Variants in MARCHF6 observed in about 807,000 individuals in gnomAD.
The protein encoded by MARCHF6 is membrane associated ring-CH-type finger 6.
A neutral mutation model predicts 133.7 loss-of-function variants in MARCHF6; 31 were observed. The ratio of observed to expected loss-of-function variants is 0.23; its 90% CI spans 0.17 to 0.31. MARCHF6 has a LOEUF of 0.31. MARCHF6 is among the 10% of genes least tolerant of loss of function. The probability of loss-of-function intolerance (pLI) is 1.00; values close to 1 mark genes in which losing one functional copy is unlikely to be tolerated. For missense variants in MARCHF6, 723 were observed against 1,121.6 expected, an observed-to-expected ratio of 0.64 and a Z score of 5.08; for synonymous variants, 395 against 402.5, an observed-to-expected ratio of 0.98 and a Z score of 0.22.
At chr5:10,391,419 C>T (rs1737822227) in intron 6 of MARCHF6, 123 bp from the exon 7 acceptor site, 1 of 666,824 alleles carries the variant, frequency 1.5e-6, no homozygotes, top group Non-Finnish European at 2.4e-6. Flanking sequence ...AGGCATGAGC[C>T]ACTACACCTG....
chr5:10,379,064 TG>T (rs1277483440), intron 3 of MARCHF6, among the ~76,000 whole-genome samples: 2 of 86,240 alleles, frequency 2.3e-5, no homozygotes, highest in South Asian at 3.3e-4. Context: ...ATTTGTGGGG[TG>T]TTTTTTTTTG....
chr5:10,421,736 G>C (rs181661776), intron 22 of MARCHF6, among the ~76,000 whole-genome samples: 56 of 152,262 alleles, frequency 3.7e-4, no homozygotes, highest in Non-Finnish European at 7.5e-4. Flanking sequence ...TGAATTGGTG[G>C]GTTGTTGCAT....
At chr5:10,394,511 G>A (rs1419187828) in intron 8 of MARCHF6, among the ~76,000 whole-genome samples, 3 of 152,028 alleles carry the variant, frequency 2.0e-5, no homozygotes, top group Non-Finnish European at 2.9e-5. Context: ...AATCCAAGAC[G>A]GAATTGTTTT....
Position 10,414,436 on chromosome 5 carries a change from T to G in MARCHF6, c.1900T>G (p.Phe634Val). Residue 634 changes from phenylalanine (F) to valine (V), a missense_variant, in exon 20 of 26, where the codon TTT becomes GTT. Physicochemically the swap from Phe to Val is conservative, Grantham distance 50 (BLOSUM62 -1). Around this residue, in one of 4 missense-constraint regions of MARCHF6, gnomAD observed 492 missense variants for 699.5 expected, o/e 0.70. Coordinates refer to ENST00000274140, the MANE Select transcript of MARCHF6 (RefSeq NM_005885.4). ...RRPLNFPLRI[F>V]LLIVFMCITL... ...CTCCTTATGTTTTACTTTGCAGATA[T>G]TTCTGTTGATTGTCTTCATGTGTAT... 6.2e-7 allele frequency: 1 copy of G among 1,608,448 alleles called. No homozygotes were observed. The highest frequency in any genetic ancestry group is 8.5e-7 in the Non-Finnish European group (1 of 1,175,496).
intron 1 of MARCHF6, among the ~76,000 whole-genome samples, chr5:10,375,636 C>T (rs966468465): frequency 2.6e-5 from 4 of 152,348 alleles, no homozygotes; most frequent in African/African-American, 4.8e-5. Context: ...CTGGTGGGGA[C>T]GTGGAGAGTC....
chr5:10,358,871 C>G (rs1394215245), intron 1 of MARCHF6, among the ~76,000 whole-genome samples: 1 of 152,176 alleles, frequency 6.6e-6, no homozygotes, highest in Non-Finnish European at 1.5e-5. Context: ...AACTTACACA[C>G]ACAAACATGT....
intron 23 of MARCHF6, among the ~76,000 whole-genome samples, chr5:10,425,805 TA>T (rs1561150909): frequency 6.6e-6 from 1 of 152,234 alleles, no homozygotes; most frequent in Non-Finnish European, 1.5e-5. Context: ...TCCTCTGCAT[TA>T]CTCTTGTAGA....
intron 10 of MARCHF6, among the ~76,000 whole-genome samples, chr5:10,399,369 C>G (rs1482830914): frequency 1.3e-5 from 2 of 151,434 alleles, no homozygotes; most frequent in Non-Finnish European, 2.9e-5. Context: ...ATATTCTTAC[C>G]CATGAAATAG....
At chr5:10,431,279 A>T (rs919686893) in intron 25 of MARCHF6, among the ~76,000 whole-genome samples, 2 of 152,326 alleles carry the variant, frequency 1.3e-5, no homozygotes, top group Admixed American at 1.3e-4. Flanking sequence ...CTTAGCACTC[A>T]ACTTTTTGGC....
At chr5:10,428,147 A>G (rs1192318917) in intron 24 of MARCHF6, among the ~76,000 whole-genome samples, 1 of 152,142 alleles carries the variant, frequency 6.6e-6, no homozygotes, top group Non-Finnish European at 1.5e-5. Context: ...GGCATGGGAA[A>G]CAGGGAACAG....
intron 23 of MARCHF6, among the ~76,000 whole-genome samples, chr5:10,424,792 G>A (rs1488729422): frequency 1.3e-5 from 2 of 152,130 alleles, no homozygotes; most frequent in African/African-American, 4.8e-5. Flanking sequence ...GAGCTGTTTT[G>A]GCTTCATCTA....
intron 19 of MARCHF6, 50 bp from the exon 20 acceptor site, chr5:10,414,383 C>A: frequency 1.0e-6 from 1 of 994,054 alleles, no homozygotes. Flanking sequence ...TGATAAAATA[C>A]ATTGAGCACG....
intron 21 of MARCHF6, 90 bp downstream of exon 21, chr5:10,415,759 A>T: frequency 9.4e-7 from 1 of 1,058,960 alleles, no homozygotes; most frequent in Non-Finnish European, 1.3e-6. Context: ...TGGCACATTT[A>T]TTTCCTTACT....
intron 22 of MARCHF6, among the ~76,000 whole-genome samples, chr5:10,418,412 A>G (rs1033582967): frequency 2.7e-5 from 4 of 150,898 alleles, no homozygotes; most frequent in African/African-American, 4.9e-5. Flanking sequence ...GAGCATCCTG[A>G]GGGAACCCAT....
intron 21 of MARCHF6, 69 bp downstream of exon 21, chr5:10,415,738 A>T (rs1739466239): frequency 7.7e-5 from 89 of 1,152,094 alleles, no homozygotes; most frequent in East Asian, 1.3e-4. Flanking sequence ...GTCATCTTAA[A>T]TTTTTTTTTT....
intron 1 of MARCHF6, among the ~76,000 whole-genome samples, chr5:10,372,901 A>C (rs2578610): frequency 0.78 from 118,395 of 151,864 alleles, 47,888 homozygotes; most frequent in Non-Finnish European, 0.9. Context: ...ATAAGTGAAA[A>C]AGAAGTCTTA....
At chr5:10,411,646 T>A (rs751205369) in intron 19 of MARCHF6, 109 bp downstream of exon 19, 2 of 743,640 alleles carry the variant, frequency 2.7e-6, no homozygotes, top group African/African-American at 1.8e-5. Context: ...TGTGTAGACA[T>A]GTTCCACATT....
chr5:10,414,025 C>G (rs1273588028), intron 19 of MARCHF6, among the ~76,000 whole-genome samples: 3 of 152,160 alleles, frequency 2.0e-5, no homozygotes, highest in Non-Finnish European at 2.9e-5. Flanking sequence ...CACATGTGGC[C>G]TAGTGGCTAC....
At chr5:10,427,899 C>T (rs190077439) in intron 24 of MARCHF6, among the ~76,000 whole-genome samples, 60 of 152,124 alleles carry the variant, frequency 3.9e-4, no homozygotes, top group Non-Finnish European at 6.6e-4. Flanking sequence ...GAGACCCAAC[C>T]TCTAAAAAAA....
Sources: gnomAD v4.1 joint callset for allele counts (sites outside exome capture counted in the v4.1 genomes callset) on GRCh38, gnomAD v4.1.1 for gene constraint, gnomAD v4.1.1 regional missense constraint, MANE v1.5 for transcripts, NCBI Gene and HGNC (gene_info 2026-07-23, HGNC 2026-07-21) for gene names.